Variants in SCARA3 observed in about 807,000 individuals in gnomAD.
SCARA3 encodes the protein cellular stress response gene protein.
In SCARA3, 39 loss-of-function variants were observed where a neutral mutation model predicts 47.0. The observed-to-expected ratio is 0.83, with a 90% CI of 0.64 to 1.08. The LOEUF is 1.08. Ranked by LOEUF, SCARA3 falls within the 50% of genes least tolerant of loss-of-function variation. The probability of loss-of-function intolerance (pLI) is 0.00; values close to 1 mark genes in which losing one functional copy is unlikely to be tolerated. For synonymous variants in SCARA3, 356 were observed against 334.1 expected (o/e 1.07, Z -0.71); for missense variants, 724 against 792.3 (o/e 0.91, Z 1.04).
Position 27,651,500 on chromosome 8 carries a change from C to T in SCARA3, c.107-8C>T, listed in dbSNP as rs753096841. 6.2e-7 allele frequency: 1 copy of T among 1,610,448 alleles called. No individual in the cohort carries two copies. Among genetic ancestry groups the T allele is most frequent in the Non-Finnish European group, 8.5e-7 (1 of 1,179,858 alleles). On this transcript the variant is annotated splice_polypyrimidine_tract_variant and splice_region_variant and intron_variant, in intron 2 of 5. Coordinates refer to ENST00000301904, the MANE Select transcript of SCARA3 (RefSeq NM_016240.3). ...CCTAAGCCATTGTCCTCCTTGTGTC[C>T]CCCACAGGCCGGCCAGGGCCCCGCT...
chr8:27,634,743 C>T (rs533731311), intron 1 of SCARA3, among the ~76,000 whole-genome samples: 49 of 152,330 alleles, frequency 3.2e-4, no homozygotes, highest in Non-Finnish European at 6.2e-4. Context: ...CACCCTCTGA[C>T]CTCCTTGGGA....
the SCARA3 span, among the ~76,000 whole-genome samples, chr8:27,706,893 G>T: frequency 6.6e-6 from 1 of 152,124 alleles, no homozygotes; most frequent in Non-Finnish European, 1.5e-5. Flanking sequence ...GAAGGCACCA[G>T]GTAGGGAGGA....
intron 2 of SCARA3, among the ~76,000 whole-genome samples, chr8:27,650,636 A>G (rs974108551): frequency 6.6e-6 from 1 of 152,204 alleles, no homozygotes; most frequent in Non-Finnish European, 1.5e-5. Context: ...ATGTGTGGCT[A>G]AAGGTGAGTT....
At chr8:27,702,263 G>C in the SCARA3 span, 1 of 152,178 alleles carries the variant, frequency 6.6e-6, no homozygotes, top group Non-Finnish European at 1.5e-5. Context: ...GTCTTCCAGG[G>C]CTCCATCTCC....
chr8:27,720,763 T>C, the SCARA3 span, among the ~76,000 whole-genome samples: 9 of 151,798 alleles, frequency 5.9e-5, no homozygotes, highest in Non-Finnish European at 8.8e-5. Flanking sequence ...CATCCACGTA[T>C]TTATCCACCC....
At chr8:27,669,470 C>T (rs1325839383) in intron 5 of SCARA3, among the ~76,000 whole-genome samples, 2 of 152,350 alleles carry the variant, frequency 1.3e-5, no homozygotes, top group East Asian at 3.9e-4. Flanking sequence ...GCCTGGGCCC[C>T]TGGCACTCTG....
the SCARA3 span, among the ~76,000 whole-genome samples, chr8:27,718,922 A>G: frequency 1.3e-5 from 2 of 152,194 alleles, no homozygotes; most frequent in South Asian, 2.1e-4. Context: ...TTCCCTCTAA[A>G]TCACTTAAGC....
the SCARA3 span, among the ~76,000 whole-genome samples, chr8:27,724,923 C>G: frequency 6.6e-6 from 1 of 152,112 alleles, no homozygotes; most frequent in Non-Finnish European, 1.5e-5. Flanking sequence ...GAAAATTCAT[C>G]AAAACATAAT....
chr8:27,662,092 A>G (rs1239689622), intron 5 of SCARA3, among the ~76,000 whole-genome samples: 1 of 152,204 alleles, frequency 6.6e-6, no homozygotes. Context: ...TGGTAGCAGC[A>G]TTCCTCCCTT....
downstream of SCARA3, among the ~76,000 whole-genome samples, chr8:27,677,360 G>A (rs2128925345): frequency 6.6e-6 from 1 of 152,334 alleles, no homozygotes; most frequent in South Asian, 2.1e-4. Flanking sequence ...AGGGAGCTGT[G>A]CACAGAAGGA....
the SCARA3 span, among the ~76,000 whole-genome samples, chr8:27,710,915 ATTTTTTT>A: frequency 7.2e-5 from 7 of 96,772 alleles, no homozygotes; most frequent in South Asian, 1.5e-3. Context: ...CTCATAGGTG[ATTTTTTT>A]TTTTTTTTTT....
the SCARA3 span, among the ~76,000 whole-genome samples, chr8:27,692,225 G>T: frequency 6.6e-6 from 1 of 152,142 alleles, no homozygotes; most frequent in Non-Finnish European, 1.5e-5. Flanking sequence ...TTCGAGACCA[G>T]CCTGACCAAC....
chr8:27,730,052 G>A, the SCARA3 span, among the ~76,000 whole-genome samples: 2 of 152,108 alleles, frequency 1.3e-5, no homozygotes, highest in African/African-American at 4.8e-5. Flanking sequence ...GGAGGTGCCT[G>A]GGGCCAGTCC....
chr8:27,679,031 C>A (rs1004636965), downstream of SCARA3, among the ~76,000 whole-genome samples: 8 of 152,080 alleles, frequency 5.3e-5, no homozygotes, highest in African/African-American at 1.9e-4. Context: ...GTATGATTCT[C>A]TTTGTGTCTA....
At chr8:27,673,506 A>G (rs1050123538), downstream of SCARA3, among the ~76,000 whole-genome samples, 7 of 152,200 alleles carry the variant, frequency 4.6e-5, no homozygotes, top group Non-Finnish European at 1.0e-4. Flanking sequence ...AATGTGACCT[A>G]GTGCAAGCCT....
At chr8:27,689,851 C>T in the SCARA3 span, among the ~76,000 whole-genome samples, 3 of 152,122 alleles carry the variant, frequency 2.0e-5, no homozygotes, top group African/African-American at 7.2e-5. Context: ...AGGCTGGGCA[C>T]GGTGGCTCAA....
rs1462411396 is a variant in SCARA3 at position 27,671,078 on chromosome 8, A to G, written c.1548A>G (p.Arg516=). ...PVGERGPVGP[R]GFPGLKGSKG... is the part of the protein sequence containing the mutation. ...GAGAAAGGGGCCCTGTTGGCCCTCG[A>G]GGGTTCCCAGGCCTCAAAGGCTCAA... The change falls in exon 6 of 6, where the codon CGA becomes CGG. Residue 516 remains arginine, a synonymous_variant. Transcript: ENST00000301904. 5.0e-6 allele frequency: 8 copies of G among 1,610,444 alleles called. No individual in the cohort carries two copies. The highest frequency in any genetic ancestry group is 1.7e-5 in the Admixed American group (1 of 59,388).
At chr8:27,694,479 A>C in the SCARA3 span, among the ~76,000 whole-genome samples, 1 of 152,248 alleles carries the variant, frequency 6.6e-6, no homozygotes, top group East Asian at 1.9e-4. Context: ...GAAACAAGAA[A>C]TTTTAAAAAT....
chr8:27,682,466 A>G, the SCARA3 span, among the ~76,000 whole-genome samples: 1 of 152,194 alleles, frequency 6.6e-6, no homozygotes, highest in Non-Finnish European at 1.5e-5. Context: ...TAAGTAAATG[A>G]TAAGGTATGT....
Sources: allele counts gnomAD v4.1 joint callset (sites outside exome capture counted in the v4.1 genomes callset), GRCh38; gene constraint gnomAD v4.1.1; transcripts MANE v1.5; gene names NCBI Gene and HGNC (gene_info 2026-07-23, HGNC 2026-07-21).